The following TAF13 variants were observed in gnomAD, a reference collection of about 807,000 sequenced individuals.
The protein encoded by TAF13 is transcription initiation factor TFIID subunit 13.
Under a neutral mutation model 18.7 loss-of-function variants are expected in TAF13, and 9 were observed. The ratio of observed to expected loss-of-function variants is 0.48; its 90% CI spans 0.29 to 0.84. The LOEUF is 0.84. TAF13 is among the 40% of genes least tolerant of loss of function. The pLI, the probability that TAF13 is intolerant of heterozygous loss-of-function variation, is 0.08. For synonymous variants in TAF13, 49 were observed against 44.1 expected, an observed-to-expected ratio of 1.11 and a Z score of -0.44; for missense variants, 105 against 146.5, an observed-to-expected ratio of 0.72 and a Z score of 1.46.
intron 2 of TAF13, among the ~76,000 whole-genome samples, chr1:109,073,494 C>G (rs1664113476): frequency 6.6e-6 from 1 of 152,200 alleles, no homozygotes; most frequent in Non-Finnish European, 1.5e-5. Context: ...GTTGCAGCCT[C>G]CCTGCCTGAC....
Position 109,075,469 on chromosome 1 carries a change from T to C in TAF13, c.28-404A>G, listed in dbSNP as rs146803558. 2.9e-3 allele frequency among the ~76,000 whole-genome samples: 440 copies of C among 152,302 alleles called. 11 individuals carry two copies. Among genetic ancestry groups the C allele is most frequent in the East Asian group, 0.023 (121 of 5,182 alleles). On this transcript the variant is annotated intron_variant, in intron 1 of 3. Coordinates refer to ENST00000338366, the MANE Select transcript of TAF13 (RefSeq NM_005645.4). ...CTTATACAGTGCTAAAAACGTTCCT[T>C]AAGTAAGCCCGTAACCCTATTTTAT...
intron 2 of TAF13, among the ~76,000 whole-genome samples, chr1:109,072,385 C>A (rs1664092615): frequency 6.6e-6 from 1 of 151,756 alleles, no homozygotes; most frequent in Non-Finnish European, 1.5e-5. Flanking sequence ...TCAAAACCGT[C>A]TACTGAGGGG....
chr1:109,073,913 G>A (rs952295422), intron 2 of TAF13, among the ~76,000 whole-genome samples: 2 of 151,746 alleles, frequency 1.3e-5, no homozygotes, highest in Non-Finnish European at 2.9e-5. Flanking sequence ...CTCCGTCTGG[G>A]AGGTGAGGAG....
At position 109,070,217 on chromosome 1, in the gene TAF13, C is replaced by A. The variant is rs959858422; in HGVS notation, c.107-3985G>T. Among the ~76,000 whole-genome samples the A allele has an allele frequency of 1.8e-4, 27 of 152,050 alleles. No individual in the cohort carries two copies. In the South Asian group the frequency reaches 4.4e-3, roughly 25 times the overall value. Reference sequence around the variant, plus strand: ...TCATCTTTCAAAACCTTGACGCTTTCTTTTTTTATTTTTATTTTTTGAGAC... The same window carrying A: ...TCATCTTTCAAAACCTTGACGCTTTATTTTTTTATTTTTATTTTTTGAGAC... On this transcript the variant is annotated intron_variant, in intron 2 of 3. Transcript: ENST00000338366.
At chr1:109,069,682 G>A (rs1451168887) in intron 2 of TAF13, among the ~76,000 whole-genome samples, 1 of 151,874 alleles carries the variant, frequency 6.6e-6, no homozygotes, top group Non-Finnish European at 1.5e-5. Context: ...AGGAAGAAAT[G>A]AGTAAATTAA....
intron 3 of TAF13, among the ~76,000 whole-genome samples, 169 bp from the exon 4 acceptor site, chr1:109,064,862 T>C (rs1557983701): frequency 6.6e-6 from 1 of 152,162 alleles, no homozygotes; most frequent in Non-Finnish European, 1.5e-5. Flanking sequence ...TATTTTCTAC[T>C]GGATTATTAG....
chr1:109,065,969 T>A (rs1663945002), intron 3 of TAF13, among the ~76,000 whole-genome samples, 166 bp downstream of exon 3: 1 of 151,390 alleles, frequency 6.6e-6, no homozygotes. Flanking sequence ...AATATACATG[T>A]ATAACCTCCA....
chr1:109,075,868 T>G, intron 1 of TAF13, 53 bp downstream of exon 1: 1 of 1,612,840 alleles, frequency 6.2e-7, no homozygotes, highest in Non-Finnish European at 8.5e-7. Flanking sequence ...CCTCCGCTAC[T>G]GAGCCCGAAG....
chr1:109,070,240 G>A (rs1664025909), intron 2 of TAF13, among the ~76,000 whole-genome samples: 1 of 151,822 alleles, frequency 6.6e-6, no homozygotes, highest in African/African-American at 2.4e-5. Flanking sequence ...TATTTTTTGA[G>A]ACGGAGTCTC....
At chr1:109,073,056 C>T (rs1416117423) in intron 2 of TAF13, among the ~76,000 whole-genome samples, 4 of 151,564 alleles carry the variant, frequency 2.6e-5, no homozygotes, top group Admixed American at 2.0e-4. Flanking sequence ...TTACTTTGTT[C>T]AGGGCCTTAG....
chr1:109,075,830 A>AG, intron 1 of TAF13, 91 bp downstream of exon 1: 4 of 1,556,896 alleles, frequency 2.6e-6, no homozygotes, highest in Non-Finnish European at 3.5e-6. Context: ...GAATTCACTA[A>AG]GGCAAGCAGA....
intron 2 of TAF13, among the ~76,000 whole-genome samples, chr1:109,069,976 G>A (rs1025603540): frequency 6.6e-6 from 1 of 152,068 alleles, no homozygotes; most frequent in Admixed American, 6.6e-5. Context: ...ATAGTACAGG[G>A]TTCCCATATG....
chr1:109,066,540 T>C (rs1383248867), intron 2 of TAF13, among the ~76,000 whole-genome samples: 4 of 152,130 alleles, frequency 2.6e-5, no homozygotes, highest in Non-Finnish European at 5.9e-5. Context: ...AGAACACCTT[T>C]AAGTAGGAAA....
intron 3 of TAF13, 28 bp downstream of exon 3, chr1:109,066,107 A>C: frequency 6.4e-7 from 1 of 1,567,136 alleles, no homozygotes; most frequent in Non-Finnish European, 8.7e-7. Context: ...TCTTCAATTA[A>C]CTAAGACCAG....
At chr1:109,073,975 G>C (rs373906478) in intron 2 of TAF13, among the ~76,000 whole-genome samples, 2 of 151,882 alleles carry the variant, frequency 1.3e-5, no homozygotes, top group Non-Finnish European at 2.9e-5. Context: ...GCCTCTGCCC[G>C]GCCACGACCC....
chr1:109,067,215 T>C (rs1167002089), intron 2 of TAF13, among the ~76,000 whole-genome samples: 1 of 151,964 alleles, frequency 6.6e-6, no homozygotes, highest in African/African-American at 2.4e-5. Context: ...CCCAGCACTT[T>C]GGGAGGCCCA....
rs1663948869 is a variant in TAF13 at position 109,066,223 on chromosome 1, A to G, written c.116T>C (p.Met39Thr). The change falls in exon 3 of 4, where the codon ATG (methionine) becomes ACG (threonine). Residue 39 changes from methionine to threonine, a missense_variant. Transcript: ENST00000338366. ...KRLFSKELRC[M>T]MYGFGDDQNP... ...CTGGTCATCCCCAAAGCCATACATC[A>G]TACATCGCACTGTAAAAGAACAATC... 2.5e-6 allele frequency: 4 copies of G among 1,606,412 alleles called. No individual in the cohort carries two copies. Among genetic ancestry groups the G allele is most frequent in the East Asian group, 4.5e-5 (2 of 44,648 alleles).
chr1:109,075,191 A>C (rs934851867), intron 1 of TAF13, 126 bp from the exon 2 acceptor site: 4 of 763,232 alleles, frequency 5.2e-6, no homozygotes, highest in Non-Finnish European at 6.3e-6. Context: ...CAAAAAAAAA[A>C]ACCACGAAAC....
intron 2 of TAF13, among the ~76,000 whole-genome samples, chr1:109,074,052 C>T (rs1664134478): frequency 6.6e-6 from 1 of 152,216 alleles, no homozygotes; most frequent in Admixed American, 6.5e-5. Context: ...CCCCTCTGCC[C>T]TGCCGCCACC....
Sources: allele counts gnomAD v4.1 joint callset (sites outside exome capture counted in the v4.1 genomes callset), GRCh38; gene constraint gnomAD v4.1.1; transcripts MANE v1.5; gene names NCBI Gene and HGNC (gene_info 2026-07-23, HGNC 2026-07-21).